Variants in MAP2K5 observed in about 807,000 individuals in gnomAD.
MAP2K5 encodes mitogen-activated protein kinase kinase 5, also known as dual specificity mitogen-activated protein kinase kinase 5.
Under a neutral mutation model 83.1 loss-of-function variants are expected in MAP2K5, and 49 were observed. That is an observed-to-expected ratio of 0.59 (90% CI 0.47 to 0.75). The LOEUF (loss-of-function observed/expected upper bound fraction) is 0.75. Among genes scored for constraint, MAP2K5 ranks in the 30% least tolerant of loss-of-function variants. The pLI is 0.00. For missense variants in MAP2K5, 457 were observed against 557.5 expected (o/e 0.82, Z 1.82); for synonymous variants, 202 against 191.8 (o/e 1.05, Z -0.44).
chr15:67,588,703 T>C (rs2085335258), intron 6 of MAP2K5, among the ~76,000 whole-genome samples: 1 of 152,276 alleles, frequency 6.6e-6, no homozygotes, highest in African/African-American at 2.4e-5. Context: ...TTTTCTGATA[T>C]GACATTATTT....
At chr15:67,548,659 A>G (rs1428161672) in intron 1 of MAP2K5, among the ~76,000 whole-genome samples, 3 of 152,194 alleles carry the variant, frequency 2.0e-5, no homozygotes, top group Admixed American at 1.3e-4. Context: ...TCATGTTTTC[A>G]GGCTTTCCAC....
At chr15:67,771,955 G>A (rs1232104038) in intron 20 of MAP2K5, among the ~76,000 whole-genome samples, 7 of 152,204 alleles carry the variant, frequency 4.6e-5, no homozygotes, top group Non-Finnish European at 8.8e-5. Context: ...GCTGCCCACA[G>A]TCACCTCCAT....
In MAP2K5 at chr15:67,764,319, G is replaced by T. The variant is rs2090002843; in HGVS notation, c.1135-5283G>T. Among the ~76,000 whole-genome samples the T allele has an allele frequency of 6.6e-6, 1 of 152,218 alleles. No individual in the cohort carries two copies. Among genetic ancestry groups the T allele is most frequent in the South Asian group, 2.1e-4 (1 of 4,830 alleles). On this transcript the variant is annotated intron_variant, in intron 19 of 21. Transcript: ENST00000178640. The surrounding 1 kb of genome is among the most constrained non-coding windows in gnomAD (Gnocchi z 4.9). ...ACATTCAAGGTCCCTCCCACCCTCAGGTGCTGTCTGGGAGAGAGGAAAGAA... is the reference window on the plus strand; with the variant it reads ...ACATTCAAGGTCCCTCCCACCCTCATGTGCTGTCTGGGAGAGAGGAAAGAA...
chr15:67,568,125 C>T (rs1281436957), intron 3 of MAP2K5, among the ~76,000 whole-genome samples: 1 of 152,166 alleles, frequency 6.6e-6, no homozygotes, highest in Admixed American at 6.5e-5. Context: ...TCTATTCTCA[C>T]TCTTTATATC....
intron 13 of MAP2K5, among the ~76,000 whole-genome samples, chr15:67,675,155 A>T (rs2087646246): frequency 6.6e-6 from 1 of 152,234 alleles, no homozygotes; most frequent in African/African-American, 2.4e-5. Flanking sequence ...GCAAGTGTTT[A>T]TTGCAGCTCT....
intron 15 of MAP2K5, among the ~76,000 whole-genome samples, chr15:67,694,492 A>G (rs185945007): frequency 3.5e-4 from 54 of 152,224 alleles, no homozygotes; most frequent in African/African-American, 1.3e-3. Flanking sequence ...TAGGGATGGA[A>G]AAAACACATG....
chr15:67,712,332 C>T (rs796089480), intron 16 of MAP2K5, among the ~76,000 whole-genome samples: 11 of 152,292 alleles, frequency 7.2e-5, no homozygotes, highest in African/African-American at 2.6e-4. Context: ...CCAGGAGAGC[C>T]CTTAGTCTAC....
rs945779510 is a variant in MAP2K5 at position 67,629,773 on chromosome 15, C to T, written c.546-1115C>T. On this transcript the variant is annotated intron_variant, in intron 8 of 21. Transcript: ENST00000178640. ...CTATAGGGCAAGATTTTTAGTTCTT[C>T]GAAACTTACTTACTTCCTTATATTA... 5.9e-5 allele frequency among the ~76,000 whole-genome samples: 9 copies of T among 152,028 alleles called. No homozygotes were observed. In the South Asian group the frequency reaches 6.2e-4, roughly 11 times the overall value.
intron 19 of MAP2K5, among the ~76,000 whole-genome samples, chr15:67,763,342 A>G (rs1263963936): frequency 6.6e-6 from 1 of 152,194 alleles, no homozygotes; most frequent in African/African-American, 2.4e-5. Flanking sequence ...GAATTTGTAC[A>G]AATCTGCTAT....
At chr15:67,592,366 T>C (rs62015158) in intron 6 of MAP2K5, among the ~76,000 whole-genome samples, 12,922 of 152,128 alleles carry the variant, frequency 0.085, 640 homozygotes, top group East Asian at 0.12. Context: ...ATTGGTATTT[T>C]CCCCATTTTA....
chr15:67,620,071 T>TA (rs1253954496), intron 8 of MAP2K5, among the ~76,000 whole-genome samples: 3 of 151,916 alleles, frequency 2.0e-5, no homozygotes, highest in Non-Finnish European at 4.4e-5. Context: ...CCCTGTTGCT[T>TA]AAAAAAAATA....
At chr15:67,672,930 A>G (rs1172422428) in intron 13 of MAP2K5, among the ~76,000 whole-genome samples, 1 of 152,064 alleles carries the variant, frequency 6.6e-6, no homozygotes, top group East Asian at 1.9e-4. Context: ...TCCTTTCCCT[A>G]TTGCTTGTTT....
intron 19 of MAP2K5, among the ~76,000 whole-genome samples, chr15:67,756,918 G>A (rs1399373152): frequency 1.3e-5 from 2 of 151,574 alleles, no homozygotes; most frequent in Non-Finnish European, 2.9e-5. Context: ...TGTGTGTATC[G>A]ATACCACATT....
chr15:67,780,044 C>A lies in MAP2K5; in HGVS notation c.1242+7292C>A, dbSNP rs2090303574. On this transcript the variant is annotated intron_variant, in intron 21 of 21. Transcript: ENST00000178640. This position sits in a 1 kb window ranked among gnomAD's most constrained non-coding sequence, Gnocchi z 5.0. ...CCTGCGGCTTTTCCCTACTCTTCGACTTTACAGTTGCTTGCTTCCTTCTCT... is the reference window on the plus strand; with the variant it reads ...CCTGCGGCTTTTCCCTACTCTTCGAATTTACAGTTGCTTGCTTCCTTCTCT... Among the ~76,000 whole-genome samples the A allele has an allele frequency of 6.6e-6, 1 of 152,206 alleles. No individual in the cohort carries two copies.
chr15:67,616,627 TA>T (rs2086062370), intron 8 of MAP2K5, among the ~76,000 whole-genome samples: 2 of 152,214 alleles, frequency 1.3e-5, no homozygotes, highest in Admixed American at 1.3e-4. Flanking sequence ...TAATAACAAA[TA>T]CATTTGTAAC....
intron 13 of MAP2K5, among the ~76,000 whole-genome samples, chr15:67,686,526 C>G (rs986680652): frequency 2.2e-4 from 33 of 151,360 alleles, no homozygotes; most frequent in African/African-American, 7.5e-4. Context: ...TCACTTGAAC[C>G]CAGGAGGCAG....
At chr15:67,554,390 C>T (rs1302508517) in intron 2 of MAP2K5, among the ~76,000 whole-genome samples, 1 of 152,058 alleles carries the variant, frequency 6.6e-6, no homozygotes, top group African/African-American at 2.4e-5. Context: ...TGAAAATATA[C>T]CTAACACTAA....
chr15:67,754,462 C>T (rs1021465359), intron 19 of MAP2K5, among the ~76,000 whole-genome samples: 1 of 152,134 alleles, frequency 6.6e-6, no homozygotes, highest in Non-Finnish European at 1.5e-5. Context: ...TGAGCTCCTC[C>T]TTGGGCTGTG....
rs575101368 is a variant in MAP2K5, at chr15:67,573,335, C to T, written c.253-7419C>T. Reference sequence around the variant, plus strand: ...GGGGAGGCCTCAGGAAACTTATAATCATGGCAGAAGACAAAGGGGAAGCAA... The same window carrying T: ...GGGGAGGCCTCAGGAAACTTATAATTATGGCAGAAGACAAAGGGGAAGCAA... On this transcript the variant is annotated intron_variant, in intron 3 of 21. Coordinates refer to ENST00000178640, the MANE Select transcript of MAP2K5 (RefSeq NM_145160.3). This position sits in a 1 kb window ranked among gnomAD's most constrained non-coding sequence, Gnocchi z 4.2. Among the ~76,000 whole-genome samples the T allele has an allele frequency of 6.6e-6, 1 of 152,270 alleles. No individual in the cohort carries two copies. The highest frequency in any genetic ancestry group is 2.4e-5 in the African/African-American group (1 of 41,548).
Sources: allele counts gnomAD v4.1 joint callset (sites outside exome capture counted in the v4.1 genomes callset), GRCh38; gene constraint gnomAD v4.1.1; non-coding constraint Gnocchi (gnomAD v3.1); transcripts MANE v1.5; gene names NCBI Gene and HGNC (gene_info 2026-07-23, HGNC 2026-07-21).